Variants in PLXNA4 observed in about 807,000 individuals in gnomAD.
PLXNA4 encodes plexin-A4.
PLXNA4 carries 44 observed loss-of-function variants against 191.8 expected under a neutral mutation model. That is an observed-to-expected ratio of 0.23 (90% CI 0.18 to 0.29). PLXNA4 has a LOEUF of 0.29. Ranked by LOEUF, PLXNA4 falls within the 10% of genes least tolerant of loss-of-function variation. The pLI is 1.00. For missense variants in PLXNA4, 1,800 were observed against 2,488.8 expected (o/e 0.72, Z 5.89); for synonymous variants, 1,082 against 1,009.5 (o/e 1.07, Z -1.36).
In PLXNA4 at chr7:132,430,653, T is replaced by C. The variant is rs535175797; in HGVS notation, c.1371+58639A>G. 3.3e-5 allele frequency among the ~76,000 whole-genome samples: 5 copies of C among 152,294 alleles called. No homozygotes were observed. In the East Asian group the frequency reaches 5.8e-4, roughly 18 times the overall value. On this transcript the variant is annotated intron_variant, in intron 3 of 31. Coordinates refer to ENST00000321063, the MANE Select transcript of PLXNA4 (RefSeq NM_020911.2). ...TAGCTGAGGTTGCAGTCTTCATGCCTCTTGAGGAGTAATAGCTTGAGTGCT... is the reference window on the plus strand; with the variant it reads ...TAGCTGAGGTTGCAGTCTTCATGCCCCTTGAGGAGTAATAGCTTGAGTGCT...
chr7:132,549,371 A>T (rs895164625), intron 1 of PLXNA4, among the ~76,000 whole-genome samples: 1 of 152,146 alleles, frequency 6.6e-6, no homozygotes, highest in Non-Finnish European at 1.5e-5. Flanking sequence ...CAAAATATTT[A>T]TTAACTACTC....
chr7:132,206,268 C>T (rs62468396), intron 10 of PLXNA4, among the ~76,000 whole-genome samples: 5,650 of 152,260 alleles, frequency 0.037, 170 homozygotes, highest in Non-Finnish European at 0.057. Flanking sequence ...AATGTGATTG[C>T]GTATTTTAGT....
chr7:132,301,316 C>T (rs1801297131), intron 3 of PLXNA4, among the ~76,000 whole-genome samples: 1 of 152,186 alleles, frequency 6.6e-6, no homozygotes, highest in Non-Finnish European at 1.5e-5. Context: ...GGACCAGCTG[C>T]CGGCTCTTGG....
At chr7:132,151,298 A>AAGGAGGAGGAGGAGGAAGAAGG (rs1491294408) in intron 25 of PLXNA4, among the ~76,000 whole-genome samples, 1 of 31,636 alleles carries the variant, frequency 3.2e-5, no homozygotes, top group African/African-American at 8.3e-5. Flanking sequence ...GAGGAAGAAG[A>AAGGAGGAGGAGGAGGAAGAAGG]AGGAGGAGGA....
At chr7:132,315,509 A>G (rs1037470928) in intron 3 of PLXNA4, among the ~76,000 whole-genome samples, 1 of 152,248 alleles carries the variant, frequency 6.6e-6, no homozygotes, top group Non-Finnish European at 1.5e-5. Flanking sequence ...TGTTGTATCT[A>G]TGAACAAACT....
At chr7:132,412,270 C>T (rs1358492740) in intron 3 of PLXNA4, among the ~76,000 whole-genome samples, 9 of 152,202 alleles carry the variant, frequency 5.9e-5, no homozygotes, top group African/African-American at 2.2e-4. Flanking sequence ...CCCCTCCAGA[C>T]CTCAGCTCCA....
At chr7:132,244,542 G>A (rs1025532566) in intron 4 of PLXNA4, among the ~76,000 whole-genome samples, 6 of 152,100 alleles carry the variant, frequency 3.9e-5, no homozygotes, top group Non-Finnish European at 8.8e-5. Flanking sequence ...TTAAAGTGTG[G>A]ACATTCAAAT....
chr7:132,558,679 G>T (rs189239033), intron 1 of PLXNA4, among the ~76,000 whole-genome samples: 264 of 152,290 alleles, frequency 1.7e-3, no homozygotes, highest in Non-Finnish European at 3.1e-3. Flanking sequence ...CAATCGGCCT[G>T]GGGCCAATGA....
chr7:132,592,867 T>TAAA (rs1426228631), intron 2 of PLXNA4, among the ~76,000 whole-genome samples: 3 of 142,980 alleles, frequency 2.1e-5, no homozygotes, highest in African/African-American at 7.7e-5. Flanking sequence ...CAAAAAAAAT[T>TAAA]TAAAAAAAAA....
chr7:132,460,300 A>C (rs1796458978), intron 3 of PLXNA4, among the ~76,000 whole-genome samples: 2 of 151,882 alleles, frequency 1.3e-5, no homozygotes, highest in African/African-American at 2.4e-5. Flanking sequence ...TCGAGGCTGC[A>C]GTGAGCCATG....
intron 1 of PLXNA4, among the ~76,000 whole-genome samples, chr7:132,564,069 TCTC>T (rs1413989216): frequency 1.1e-4 from 7 of 61,192 alleles, no homozygotes; most frequent in African/African-American, 3.2e-4. Context: ...TCCTCCTCCT[TCTC>T]CTCCTCCTCC....
At chr7:132,296,101 A>T (rs1026728155) in intron 4 of PLXNA4, among the ~76,000 whole-genome samples, 3 of 152,028 alleles carry the variant, frequency 2.0e-5, no homozygotes, top group Non-Finnish European at 2.9e-5. Context: ...GTGTCGGCCC[A>T]GGTGTTAGGC....
At chr7:132,334,134 G>A (rs2116709920) in intron 3 of PLXNA4, among the ~76,000 whole-genome samples, 1 of 152,122 alleles carries the variant, frequency 6.6e-6, no homozygotes, top group South Asian at 2.1e-4. Context: ...CACGGAAGCT[G>A]TAGGGAGGGG....
chr7:132,192,615 A>G (rs1430061094), intron 14 of PLXNA4, among the ~76,000 whole-genome samples: 1 of 152,126 alleles, frequency 6.6e-6, no homozygotes, highest in East Asian at 1.9e-4. Flanking sequence ...TCCCCATGAC[A>G]TATTTCAGGG....
intron 1 of PLXNA4, among the ~76,000 whole-genome samples, chr7:132,548,337 G>A (rs1281305608): frequency 6.6e-6 from 1 of 152,148 alleles, no homozygotes; most frequent in Non-Finnish European, 1.5e-5. Flanking sequence ...ATGAGGCTAG[G>A]GCAATTTCAA....
At chr7:132,254,531 T>C (rs1286702886) in intron 4 of PLXNA4, among the ~76,000 whole-genome samples, 1 of 152,134 alleles carries the variant, frequency 6.6e-6, no homozygotes, top group African/African-American at 2.4e-5. Context: ...GGGAGCAGTA[T>C]TAGGTGACGA....
intron 9 of PLXNA4, among the ~76,000 whole-genome samples, chr7:132,217,461 T>C (rs944341002): frequency 6.6e-6 from 1 of 152,030 alleles, no homozygotes; most frequent in Non-Finnish European, 1.5e-5. Flanking sequence ...TACAGCAAGA[T>C]TGGGGAAAAC....
At chr7:132,188,324 T>C (rs1392521602) in intron 14 of PLXNA4, among the ~76,000 whole-genome samples, 1 of 152,220 alleles carries the variant, frequency 6.6e-6, no homozygotes, top group East Asian at 1.9e-4. Flanking sequence ...GAGTTGCAGT[T>C]TGTTCTTTCA....
At chr7:132,644,044 T>C (rs1803806951) in intron 2 of PLXNA4, among the ~76,000 whole-genome samples, 1 of 152,194 alleles carries the variant, frequency 6.6e-6, no homozygotes, top group Non-Finnish European at 1.5e-5. Flanking sequence ...TTCAAATATG[T>C]GTGTGGATAG....
Sources: gnomAD v4.1 joint callset for allele counts (sites outside exome capture counted in the v4.1 genomes callset) on GRCh38, gnomAD v4.1.1 for gene constraint, MANE v1.5 for transcripts, NCBI Gene and HGNC (gene_info 2026-07-23, HGNC 2026-07-21) for gene names.